The following NEO1 variants were observed in gnomAD, a reference collection of about 807,000 sequenced individuals.
NEO1 encodes the protein neogenin.
NEO1 carries 63 observed loss-of-function variants against 159.7 expected under a neutral mutation model. That is an observed-to-expected ratio of 0.39 (90% confidence interval 0.32 to 0.49). NEO1 has a LOEUF of 0.49. Ranked by LOEUF, NEO1 falls within the 20% of genes least tolerant of loss-of-function variation. The pLI, the probability that NEO1 is intolerant of heterozygous loss-of-function variation, is 0.85. For missense variants in NEO1, 1,615 were observed against 1,831.0 expected (o/e 0.88, Z 2.15); for synonymous variants, 633 against 662.0 (o/e 0.96, Z 0.67).
intron 5 of NEO1, among the ~76,000 whole-genome samples, chr15:73,171,995 T>C (rs1384581998): frequency 6.6e-6 from 1 of 152,088 alleles, no homozygotes; most frequent in African/African-American, 2.4e-5. Flanking sequence ...TGTTTAGAAA[T>C]GAGAGTTCTT....
chr15:73,134,756 C>G (rs2031555833), intron 4 of NEO1, among the ~76,000 whole-genome samples: 1 of 151,938 alleles, frequency 6.6e-6, no homozygotes, highest in Admixed American at 6.6e-5. Context: ...CTCCTGTAAT[C>G]CCAGCACTTT....
At chr15:73,245,084 C>A (rs1201827637) in intron 9 of NEO1, among the ~76,000 whole-genome samples, 1 of 149,156 alleles carries the variant, frequency 6.7e-6, no homozygotes, top group Admixed American at 6.7e-5. Flanking sequence ...CTTCTAGAAT[C>A]TTTCCTCTGA....
Position 73,289,129 on chromosome 15 carries a change from C to T in NEO1, c.3650-17C>T. On this transcript the variant is annotated splice_polypyrimidine_tract_variant and intron_variant, in intron 24 of 28. Transcript: ENST00000261908. ...TAGGGCACATGCTGGTAACTAACCTCCACGTTTAACATCTAGGGCATGAGT... is the reference window on the plus strand; with the variant it reads ...TAGGGCACATGCTGGTAACTAACCTTCACGTTTAACATCTAGGGCATGAGT... 1 of 1,611,518 alleles carries T rather than the reference C, an allele frequency of 6.2e-7. No individual in the cohort carries two copies. Among genetic ancestry groups the T allele is most frequent in the African/African-American group, 1.3e-5 (1 of 74,990 alleles).
At chr15:73,151,907 A>G (rs2033402069) in intron 5 of NEO1, among the ~76,000 whole-genome samples, 2 of 152,232 alleles carry the variant, frequency 1.3e-5, no homozygotes, top group Admixed American at 1.3e-4. Flanking sequence ...GTGCTGTGAA[A>G]TACCTGTTAT....
intron 9 of NEO1, among the ~76,000 whole-genome samples, chr15:73,244,972 A>AC (rs2039695667): frequency 2.7e-5 from 4 of 147,310 alleles, no homozygotes; most frequent in Admixed American, 2.1e-4. Flanking sequence ...AAAAAAAAAA[A>AC]AAAAAAAAAA....
chr15:73,274,075 A>C (rs2041296097), intron 20 of NEO1, 70 bp downstream of exon 20: 1 of 1,395,674 alleles, frequency 7.2e-7, no homozygotes, highest in South Asian at 1.3e-5. Context: ...CTATCACTTG[A>C]GCATATAGAG....
chr15:73,085,027 G>A (rs753157307), intron 1 of NEO1, among the ~76,000 whole-genome samples: 5 of 152,138 alleles, frequency 3.3e-5, no homozygotes, highest in Non-Finnish European at 7.4e-5. Context: ...AGGAAATATG[G>A]ATGATGAGGA....
rs763715773 is a variant in NEO1, at chr15:73,254,838, C to T, written c.2092+9C>T. The T allele has an allele frequency of 6.2e-7, 1 of 1,610,574 alleles. No individual in the cohort carries two copies. The highest frequency in any genetic ancestry group is 8.5e-7 in the Non-Finnish European group (1 of 1,178,770). ...GTCTCAGCTGATTGAAGGTAAGCTA[C>T]CGTGCACAAAGGCAAAAGGTACACT... On this transcript the variant is annotated intron_variant, in intron 13 of 28. Transcript: ENST00000261908.
intron 5 of NEO1, among the ~76,000 whole-genome samples, chr15:73,137,599 C>T (rs1369719891): frequency 6.6e-6 from 1 of 152,124 alleles, no homozygotes; most frequent in African/African-American, 2.4e-5. Context: ...TGGGTTCAAG[C>T]GATCATCCTG....
chr15:73,282,945 A>T lies in NEO1; in HGVS notation c.3263-19A>T. The T allele has an allele frequency of 1.2e-6, 2 of 1,612,048 alleles. No homozygotes were observed. Among genetic ancestry groups the T allele is most frequent in the Non-Finnish European group, 1.7e-6 (2 of 1,179,218 alleles). ...TAAATTCTCTAACCCTAACACATGT[A>T]CCATTTCTCTCTCTGCAGGCAGTAA... On this transcript the variant is annotated intron_variant, in intron 22 of 28. Transcript: ENST00000261908.
At chr15:73,078,354 C>T (rs1051024207) in intron 1 of NEO1, among the ~76,000 whole-genome samples, 7 of 152,100 alleles carry the variant, frequency 4.6e-5, no homozygotes, top group African/African-American at 1.4e-4. Context: ...GTTGTGTTGC[C>T]GTATTAAACA....
chr15:73,259,130 T>A lies in NEO1; in HGVS notation c.2203+254T>A, dbSNP rs139346161. ...TGTGCTATAAGTTGGATTTTTTTTT[T>A]AATCAAGGCCATTAAGTAGATGGAT... On this transcript the variant is annotated intron_variant, in intron 14 of 28. Transcript: ENST00000261908. 1.4e-3 allele frequency: 437 copies of A among 307,226 alleles called. 3 individuals are homozygous for A. Among genetic ancestry groups the A allele is most frequent in the African/African-American group, 7.2e-3 (345 of 47,634 alleles). The allele number at this position is 307,226 out of a possible 1,614,324, so 19.0% of individuals were successfully genotyped here.
At chr15:73,112,554 G>A (rs2151587251) in intron 1 of NEO1, among the ~76,000 whole-genome samples, 1 of 151,996 alleles carries the variant, frequency 6.6e-6, no homozygotes, top group South Asian at 2.1e-4. Flanking sequence ...TTCTTCTAAG[G>A]TTTTTATCAC....
intron 1 of NEO1, among the ~76,000 whole-genome samples, chr15:73,077,163 C>T (rs1221050943): frequency 6.6e-6 from 1 of 152,146 alleles, no homozygotes; most frequent in African/African-American, 2.4e-5. Context: ...CCTGCCTCAG[C>T]CTCCCGAGTA....
intron 1 of NEO1, among the ~76,000 whole-genome samples, chr15:73,098,705 T>G (rs1470666419): frequency 6.6e-6 from 1 of 152,202 alleles, no homozygotes; most frequent in African/African-American, 2.4e-5. Flanking sequence ...AGTGGTACAG[T>G]GAATAGCCTT....
intron 7 of NEO1, among the ~76,000 whole-genome samples, chr15:73,208,463 T>C (rs1043885942): frequency 3.9e-5 from 6 of 152,244 alleles, no homozygotes; most frequent in Non-Finnish European, 5.9e-5. Flanking sequence ...TAGTGTTTAG[T>C]AGAACTTTAT....
chr15:73,249,658 G>T lies in NEO1; in HGVS notation c.1831G>T (p.Ala611Ser). Reference protein sequence around the residue: ...KYTEYSFRVVAYNKHGPGVST... With the variant: ...KYTEYSFRVVSYNKHGPGVST... ...TACAGAGTATAGTTTCCGAGTGGTG[G>T]CCTACAATAAACATGGTCCTGGAGT... Residue 611 changes from alanine (A) to serine (S), a missense_variant, in exon 11 of 29, where the codon GCC becomes TCC. Transcript: ENST00000261908. 2 of 1,613,868 alleles carry T rather than the reference G, an allele frequency of 1.2e-6. No homozygotes were observed. Among genetic ancestry groups the T allele is most frequent in the Non-Finnish European group, 1.7e-6 (2 of 1,179,914 alleles).
chr15:73,061,376 G>A lies in NEO1; in HGVS notation c.130+8571G>A, dbSNP rs560798558. Among the ~76,000 whole-genome samples, 30 of 152,204 alleles carry A rather than the reference G, an allele frequency of 2.0e-4. No homozygotes were observed. In the South Asian group the frequency reaches 5.8e-3, roughly 29 times the overall value. On this transcript the variant is annotated intron_variant, in intron 1 of 28. Coordinates refer to ENST00000261908, the MANE Select transcript of NEO1 (RefSeq NM_002499.4). ...GCCTTTCCTTTTATCCCCTCCTACT[G>A]TAGATACAGTTGCTGTCTGGGAGAT...
At chr15:73,093,354 C>T (rs1474405886) in intron 1 of NEO1, among the ~76,000 whole-genome samples, 1 of 152,148 alleles carries the variant, frequency 6.6e-6, no homozygotes, top group Non-Finnish European at 1.5e-5. Flanking sequence ...GCCTGCACTT[C>T]AGGAGTGGGG....
Sources: allele counts gnomAD v4.1 joint callset (sites outside exome capture counted in the v4.1 genomes callset), GRCh38; gene constraint gnomAD v4.1.1; transcripts MANE v1.5; gene names NCBI Gene and HGNC (gene_info 2026-07-23, HGNC 2026-07-21).